Variants in PRUNE2 observed in about 807,000 individuals in gnomAD.
PRUNE2 encodes the protein prune homolog 2 with BCH domain, also known as protein prune homolog 2.
PRUNE2 carries 164 observed loss-of-function variants against 252.0 expected under a neutral mutation model. That is an observed-to-expected ratio of 0.65 (90% CI 0.57 to 0.74). The LOEUF is 0.74. Among genes scored for constraint, PRUNE2 ranks in the 30% least tolerant of loss-of-function variants. The probability of loss-of-function intolerance (pLI) is 0.00; values close to 1 mark genes in which losing one functional copy is unlikely to be tolerated. For synonymous variants in PRUNE2, 1,292 were observed against 1,350.2 expected, an observed-to-expected ratio of 0.96 and a Z score of 0.94; for missense variants, 3,495 against 3,711.0, an observed-to-expected ratio of 0.94 and a Z score of 1.51.
At chr9:76,826,506 G>T in intron 5 of PRUNE2, 74 bp downstream of exon 5, 2 of 1,077,230 alleles carry the variant, frequency 1.9e-6, no homozygotes, top group Non-Finnish European at 2.7e-6. Flanking sequence ...TACCTTCTCA[G>T]GTCTGATGAT....
intron 1 of PRUNE2, among the ~76,000 whole-genome samples, chr9:76,879,878 CATATATAT>C (rs1391636538): frequency 2.5e-4 from 19 of 75,370 alleles, no homozygotes; most frequent in African/African-American, 7.4e-4. Flanking sequence ...AGAGGCCTGT[CATATATAT>C]ATATATATAT....
intron 1 of PRUNE2, among the ~76,000 whole-genome samples, chr9:76,889,968 T>A (rs541852622): frequency 6.6e-6 from 1 of 152,206 alleles, no homozygotes; most frequent in African/African-American, 2.4e-5. Flanking sequence ...TCAGCGAGAT[T>A]CCCAGGTGAC....
chr9:76,797,038 T>TACGCACACACAC (rs71309258), intron 6 of PRUNE2, among the ~76,000 whole-genome samples: 10,044 of 151,724 alleles, frequency 0.066, 559 homozygotes, highest in East Asian at 0.2. Context: ...CACTCACACA[T>TACGCACACACAC]ACACACACAC....
rs543638757 is a variant in PRUNE2, at chr9:76,867,418, G to A, written c.37-13210C>T. ...ATCTCCTGTGATATAACTGAACAAG[G>A]AAATTGTTCTCAGTGGAGCTAGAAT... On this transcript the variant is annotated intron_variant, in intron 1 of 18. Coordinates refer to ENST00000376718, the MANE Select transcript of PRUNE2 (RefSeq NM_015225.3). Among the ~76,000 whole-genome samples the A allele has an allele frequency of 2.0e-5, 3 of 152,256 alleles. No individual in the cohort carries two copies. In the East Asian group the frequency reaches 5.8e-4, roughly 29 times the overall value.
At chr9:76,858,989 A>T (rs1020078841) in intron 1 of PRUNE2, among the ~76,000 whole-genome samples, 2 of 152,146 alleles carry the variant, frequency 1.3e-5, no homozygotes, top group Non-Finnish European at 2.9e-5. Flanking sequence ...CTGAGTAAAT[A>T]TCCATTCCCT....
chr9:76,708,901 A>C lies in PRUNE2; in HGVS notation c.3373T>G (p.Ser1125Ala). Residue 1125 changes from serine to alanine, a missense_variant, in exon 8 of 19, where the codon TCC becomes GCC. Ser to Ala is a moderately conservative substitution (Grantham distance 99). Coordinates refer to ENST00000376718, the MANE Select transcript of PRUNE2 (RefSeq NM_015225.3). ...WNRVILEDTQ[S>A]TATISDMDND... is the part of the protein sequence containing the mutation. ...TCCATATCTGAGATCGTTGCAGTGG[A>C]CTGAGTATCCTCCAAAATCACTCTG... The C allele has an allele frequency of 3.1e-6, 5 of 1,613,910 alleles. No individual in the cohort carries two copies. Among genetic ancestry groups the C allele is most frequent in the Non-Finnish European group, 4.2e-6 (5 of 1,179,866 alleles).
chr9:76,816,164 A>C (rs1273873608), intron 6 of PRUNE2, among the ~76,000 whole-genome samples: 1 of 87,058 alleles, frequency 1.1e-5, no homozygotes, highest in East Asian at 3.5e-4. Flanking sequence ...CTCCATCTCC[A>C]AAAAAAAAAA....
intron 6 of PRUNE2, among the ~76,000 whole-genome samples, chr9:76,716,504 A>G (rs1280401261): frequency 6.6e-6 from 1 of 152,106 alleles, no homozygotes; most frequent in African/African-American, 2.4e-5. Flanking sequence ...ACTGACTCAC[A>G]CTGCCAGCTC....
intron 6 of PRUNE2, among the ~76,000 whole-genome samples, chr9:76,721,908 A>G (rs1345038071): frequency 3.9e-5 from 6 of 152,264 alleles, no homozygotes; most frequent in Non-Finnish European, 8.8e-5. Flanking sequence ...CAGCAATAAT[A>G]AAGTCTGATA....
intron 9 of PRUNE2, among the ~76,000 whole-genome samples, chr9:76,655,979 C>T (rs1261658892): frequency 4.6e-5 from 7 of 152,300 alleles, no homozygotes; most frequent in East Asian, 1.9e-4. Context: ...TACTTCACCA[C>T]GTTGTTTAAA....
intron 16 of PRUNE2, among the ~76,000 whole-genome samples, chr9:76,626,142 A>G (rs68110064): frequency 0.11 from 16,081 of 152,288 alleles, 929 homozygotes; most frequent in Non-Finnish European, 0.11. Flanking sequence ...GGAACTGAAC[A>G]TCCTGTATTT....
At chr9:76,702,160 A>G (rs1406883984) in intron 9 of PRUNE2, among the ~76,000 whole-genome samples, 1 of 151,856 alleles carries the variant, frequency 6.6e-6, no homozygotes, top group African/African-American at 2.4e-5. Flanking sequence ...CCCAGGTTCA[A>G]GCAATTCTCC....
At chr9:76,847,389 A>G (rs1361209913) in intron 3 of PRUNE2, among the ~76,000 whole-genome samples, 3 of 152,142 alleles carry the variant, frequency 2.0e-5, no homozygotes, top group Non-Finnish European at 4.4e-5. Context: ...ACACTAGAAA[A>G]TGACACTAGA....
rs190092323 is a variant in PRUNE2 at position 76,799,494 on chromosome 9, A to C, written c.756+24138T>G. On this transcript the variant is annotated intron_variant, in intron 6 of 18. Transcript: ENST00000376718. ...ACAGAGCCTTAATTTAATATTGAAC[A>C]AGGAAGAATATGATGTTCAGGATGT... is the stretch of plus-strand genomic sequence containing the variant. Among the ~76,000 whole-genome samples the C allele has an allele frequency of 3.3e-5, 5 of 152,334 alleles. No homozygotes were observed. The East Asian group carries it at 7.7e-4, about 23-fold the overall frequency.
chr9:76,667,385 T>A (rs2040406861), intron 9 of PRUNE2, among the ~76,000 whole-genome samples: 1 of 152,244 alleles, frequency 6.6e-6, no homozygotes, highest in Admixed American at 6.5e-5. Flanking sequence ...GACGCCCAAG[T>A]GAGCAGCAGA....
At chr9:76,861,820 C>G (rs1352290593) in intron 1 of PRUNE2, among the ~76,000 whole-genome samples, 1 of 142,878 alleles carries the variant, frequency 7.0e-6, no homozygotes, top group Admixed American at 7.2e-5. Flanking sequence ...TGTTCAGGAT[C>G]CTCGCTCTGA....
At chr9:76,631,492 C>T (rs1007660646) in intron 15 of PRUNE2, among the ~76,000 whole-genome samples, 1 of 152,188 alleles carries the variant, frequency 6.6e-6, no homozygotes, top group Non-Finnish European at 1.5e-5. Flanking sequence ...TCACTCTCTA[C>T]CAGGTATACC....
At chr9:76,723,932 C>CAAA (rs1017428468) in intron 6 of PRUNE2, among the ~76,000 whole-genome samples, 4 of 151,192 alleles carry the variant, frequency 2.6e-5, no homozygotes, top group Non-Finnish European at 4.4e-5. Flanking sequence ...CTCAGCCTCC[C>CAAA]GAGTAGCTGG....
chr9:76,802,084 A>C (rs2131581770), intron 6 of PRUNE2, among the ~76,000 whole-genome samples: 1 of 152,248 alleles, frequency 6.6e-6, no homozygotes, highest in South Asian at 2.1e-4. Context: ...TTACGTTCTC[A>C]ACTCTCCAAA....
Sources: gnomAD v4.1 joint callset for allele counts (sites outside exome capture counted in the v4.1 genomes callset) on GRCh38, gnomAD v4.1.1 for gene constraint, MANE v1.5 for transcripts, NCBI Gene and HGNC (gene_info 2026-07-23, HGNC 2026-07-21) for gene names.